POLA1: variants seen among roughly 807,000 people sequenced by gnomAD.
POLA1 encodes DNA polymerase alpha 1, catalytic subunit.
In POLA1, 15 loss-of-function variants were observed where a neutral mutation model predicts 124.0. That is an observed-to-expected ratio of 0.12 (90% CI 0.08 to 0.19). The LOEUF is 0.19. Among genes scored for constraint, POLA1 ranks in the 10% least tolerant of loss-of-function variants. The pLI, the probability that POLA1 is intolerant of heterozygous loss-of-function variation, is 1.00. For synonymous variants in POLA1, 408 were observed against 389.4 expected (o/e 1.05, Z -0.56); for missense variants, 886 against 1,103.4 (o/e 0.80, Z 2.79).
At chrX:24,806,556 CTG>C (rs1569319034) in intron 26 of POLA1, among the ~76,000 whole-genome samples, 1 of 111,419 alleles carries the variant, frequency 9.0e-6, no homozygotes, top group Non-Finnish European at 1.9e-5. Context: ...AGTTGACAAA[CTG>C]TGGTGAGGAC....
intron 4 of POLA1, among the ~76,000 whole-genome samples, chrX:24,709,300 C>T: frequency 1.0e-5 from 1 of 99,306 alleles, no homozygotes; most frequent in Non-Finnish European, 2.1e-5. Flanking sequence ...GGCTGACCCC[C>T]CCACCTCCCT....
At chrX:24,907,113 C>A (rs937874670) in intron 35 of POLA1, among the ~76,000 whole-genome samples, 5 of 111,376 alleles carry the variant, frequency 4.5e-5, no homozygotes, top group African/African-American at 6.5e-5. Context: ...ATCATTTAAA[C>A]CCAGGAGTCG....
chrX:24,819,805 TCCTC>T (rs2046056256), intron 30 of POLA1, among the ~76,000 whole-genome samples: 2 of 110,829 alleles, frequency 1.8e-5, no homozygotes, highest in Non-Finnish European at 3.8e-5. Flanking sequence ...TCCCTCCCCT[TCCTC>T]CCTACTTCCC....
At chrX:24,934,719 G>A (rs900837645) in intron 36 of POLA1, among the ~76,000 whole-genome samples, 1 of 111,418 alleles carries the variant, frequency 9.0e-6, no homozygotes, top group African/African-American at 3.3e-5. Context: ...AGCAAGGTTG[G>A]TCTCTCCCCA....
At chrX:24,746,318 G>A (rs1931997730) in intron 24 of POLA1, among the ~76,000 whole-genome samples, 2 of 111,348 alleles carry the variant, frequency 1.8e-5, no homozygotes, top group Admixed American at 9.6e-5. Flanking sequence ...AGAAGATACT[G>A]GGTAGACATC....
intron 26 of POLA1, among the ~76,000 whole-genome samples, chrX:24,772,187 G>T (rs904628640): frequency 9.0e-6 from 1 of 110,925 alleles, no homozygotes; most frequent in African/African-American, 3.3e-5. Flanking sequence ...ATTGTTTTCA[G>T]TGTTTTACAA....
At chrX:24,990,199 T>C (rs2048519685) in intron 36 of POLA1, among the ~76,000 whole-genome samples, 1 of 112,435 alleles carries the variant, frequency 8.9e-6, no homozygotes, top group Non-Finnish European at 1.9e-5. Flanking sequence ...ATGTAAAAAA[T>C]TAAATATCCA....
intron 36 of POLA1, among the ~76,000 whole-genome samples, chrX:24,984,659 T>A (rs1001850575): frequency 0.016 from 1,607 of 97,643 alleles, 12 homozygotes; most frequent in Non-Finnish European, 0.026. Context: ...TTGCACTTTT[T>A]TTTTTTTTTT....
At chrX:24,724,296 A>G (rs1930396402) in intron 11 of POLA1, 39 bp from the exon 12 acceptor site, 1 of 668,776 alleles carries the variant, frequency 1.5e-6, no homozygotes, top group African/African-American at 2.2e-5. Flanking sequence ...ATGTACAGAT[A>G]CTTTTTTTTC....
chrX:24,900,808 C>T (rs2047268830), intron 35 of POLA1, among the ~76,000 whole-genome samples: 1 of 111,385 alleles, frequency 9.0e-6, no homozygotes. Context: ...TCCAAATCCT[C>T]CTAGGTTTTA....
chrX:24,902,209 TAAGAG>T (rs948846292), intron 35 of POLA1, among the ~76,000 whole-genome samples: 1 of 112,152 alleles, frequency 8.9e-6, no homozygotes, highest in Non-Finnish European at 1.9e-5. Flanking sequence ...GAGGAGATGA[TAAGAG>T]AAGATTGCAT....
intron 36 of POLA1, among the ~76,000 whole-genome samples, chrX:24,969,207 C>CA (rs369936803): frequency 0.056 from 4,914 of 87,498 alleles, 318 homozygotes; most frequent in African/African-American, 0.19. Flanking sequence ...GACTCCGTCT[C>CA]AAAAAAAAAA....
intron 15 of POLA1, among the ~76,000 whole-genome samples, chrX:24,729,348 C>T (rs760284993): frequency 5.4e-5 from 6 of 111,461 alleles, no homozygotes; most frequent in East Asian, 5.6e-4. Flanking sequence ...TCAGATGTCC[C>T]CGGGTCAGGG....
At position 24,803,302 on chromosome X, in the gene POLA1, C is replaced by T. The variant is rs1210580246; in HGVS notation, c.2965-6596C>T. On this transcript the variant is annotated intron_variant, in intron 26 of 36. Coordinates refer to ENST00000379068, the MANE Select transcript of POLA1 (RefSeq NM_001330360.2). Reference sequence around the variant, plus strand: ...AGCTGGAGAGAAGGAGAGCACACGGCATATGTGTGTACTCATACTACTGAT... The same window carrying T: ...AGCTGGAGAGAAGGAGAGCACACGGTATATGTGTGTACTCATACTACTGAT... Among the ~76,000 whole-genome samples the T allele has an allele frequency of 5.4e-5, 6 of 111,216 alleles. No homozygotes were observed. The East Asian group carries it at 1.7e-3, about 31-fold the overall frequency.
intron 10 of POLA1, among the ~76,000 whole-genome samples, chrX:24,721,551 C>G (rs1202843928): frequency 1.8e-5 from 2 of 112,335 alleles, no homozygotes; most frequent in Non-Finnish European, 3.8e-5. Flanking sequence ...GTTATTGTTT[C>G]TCACTTTCTA....
At chrX:24,949,200 C>T (rs1358952187) in intron 36 of POLA1, among the ~76,000 whole-genome samples, 1 of 112,200 alleles carries the variant, frequency 8.9e-6, no homozygotes, top group African/African-American at 3.2e-5. Flanking sequence ...CAGCCACAAA[C>T]TGCGCATGAC....
At chrX:24,810,023 A>G in intron 27 of POLA1, 93 bp downstream of exon 27, 1 of 543,184 alleles carries the variant, frequency 1.8e-6, no homozygotes, top group Admixed American at 3.6e-5. Context: ...ACAGACTGGA[A>G]ATTGCTTCTT....
At chrX:24,704,566 A>G in intron 4 of POLA1, 97 bp downstream of exon 4, 1 of 563,274 alleles carries the variant, frequency 1.8e-6, no homozygotes, top group East Asian at 3.3e-5. Flanking sequence ...CCTTTGAGAG[A>G]AGGACCTAAC....
At chrX:24,862,164 A>G (rs907525438) in intron 34 of POLA1, among the ~76,000 whole-genome samples, 2 of 112,252 alleles carry the variant, frequency 1.8e-5, no homozygotes, top group Admixed American at 1.9e-4. Flanking sequence ...AATAAATACC[A>G]TAGTATAAAA....
Sources: gnomAD v4.1 joint callset for allele counts (sites outside exome capture counted in the v4.1 genomes callset) on GRCh38, gnomAD v4.1.1 for gene constraint, MANE v1.5 for transcripts, NCBI Gene and HGNC (gene_info 2026-07-23, HGNC 2026-07-21) for gene names.